CLUAP1: variants seen among roughly 807,000 people sequenced by gnomAD.
CLUAP1 encodes clusterin-associated protein 1.
CLUAP1 carries 50 observed loss-of-function variants against 55.0 expected under a neutral mutation model. That is an observed-to-expected ratio of 0.91 (90% CI 0.72 to 1.15). The LOEUF is 1.15. CLUAP1 is among the 50% of genes most tolerant of loss of function. The pLI is 0.00. For synonymous variants in CLUAP1, 195 were observed against 175.4 expected, an observed-to-expected ratio of 1.11 and a Z score of -0.88; for missense variants, 530 against 507.6, an observed-to-expected ratio of 1.04 and a Z score of -0.42.
chr16:3,500,800 C>T, upstream of CLUAP1: 1 of 546,142 alleles, frequency 1.8e-6, no homozygotes, highest in Non-Finnish European at 3.3e-6. Context: ...AGCGTGTAAA[C>T]AGACGCCCAG....
At chr16:3,509,668 G>T (rs548638100) in intron 4 of CLUAP1, among the ~76,000 whole-genome samples, 186 of 152,322 alleles carry the variant, frequency 1.2e-3, no homozygotes, top group Middle Eastern at 3.4e-3. Flanking sequence ...GGCTGGGAGT[G>T]CACCTAAGAG....
intron 1 of CLUAP1, among the ~76,000 whole-genome samples, chr16:3,502,561 A>C (rs527401804): frequency 2.8e-4 from 43 of 152,020 alleles, no homozygotes; most frequent in South Asian, 4.2e-4. Context: ...AGCATTAGAG[A>C]TTACTCCTTT....
chr16:3,506,972 G>A (rs1416354741), intron 3 of CLUAP1, among the ~76,000 whole-genome samples: 28 of 151,996 alleles, frequency 1.8e-4, no homozygotes, highest in Non-Finnish European at 2.1e-4. Flanking sequence ...CGAGGTGGGC[G>A]GATCACGAGG....
chr16:3,531,953 C>T (rs757324008), intron 10 of CLUAP1, among the ~76,000 whole-genome samples: 5 of 151,908 alleles, frequency 3.3e-5, no homozygotes, highest in East Asian at 1.9e-4. Context: ...GAGCAATTCT[C>T]CTGCAATCCC....
chr16:3,497,160 C>A (rs571339957), upstream of CLUAP1, among the ~76,000 whole-genome samples: 5 of 151,504 alleles, frequency 3.3e-5, no homozygotes, highest in Non-Finnish European at 7.4e-5. Context: ...CATGACCCAC[C>A]GCGCCCAGCA....
Position 3,519,889 on chromosome 16 carries a change from C to G in CLUAP1, c.580-14C>G, listed in dbSNP as rs745594421. ...TTATTGCCACCTTGTCTCATTATTT[C>G]CCATTAAATATAGACACAGGTTCAG... On this transcript the variant is annotated splice_polypyrimidine_tract_variant and intron_variant, in intron 6 of 11. Transcript: ENST00000576634. The G allele has an allele frequency of 8.3e-6, 13 of 1,574,390 alleles. No individual in the cohort carries two copies. The highest frequency in any genetic ancestry group is 1.7e-4 in the Middle Eastern group (1 of 5,878).
chr16:3,535,798 T>C (rs2038218162), intron 11 of CLUAP1: 1 of 263,962 alleles, frequency 3.8e-6, no homozygotes, highest in Non-Finnish European at 7.3e-6. Context: ...CTGTCCTTCT[T>C]GCCATCTGTA....
intron 9 of CLUAP1, among the ~76,000 whole-genome samples, chr16:3,529,947 A>T (rs2038082025): frequency 7.8e-6 from 1 of 127,874 alleles, no homozygotes; most frequent in Admixed American, 1.0e-4. Context: ...TATGACAATT[A>T]TATAACATAT....
chr16:3,495,785 A>T, the CLUAP1 span, among the ~76,000 whole-genome samples: 1 of 152,124 alleles, frequency 6.6e-6, no homozygotes, highest in Non-Finnish European at 1.5e-5. Context: ...GTACAGACCT[A>T]GGAAGACCTA....
rs558713699 is a variant in CLUAP1 at position 3,537,982 on chromosome 16, G to A, written c.*1711G>A. On this transcript the variant is annotated 3_prime_UTR_variant, in exon 12 of 12. Coordinates refer to ENST00000576634, the MANE Select transcript of CLUAP1 (RefSeq NM_015041.3). ...CCACTGCACTCCAGCCTGGGCAGCA[G>A]AGTGAGACTCCATCTCAAAAAAAAA... 3 of 119,368 alleles carry A rather than the reference G, an allele frequency of 2.5e-5. No individual in the cohort carries two copies. The South Asian group carries it at 8.9e-4, about 35-fold the overall frequency. 7.4% of individuals were successfully genotyped at this position (119,368 alleles called of 1,614,324 possible). A position where few individuals can be genotyped will look rare whatever the true frequency, so the allele number is the denominator to read the frequency against.
At chr16:3,500,365 CA>C (rs1438244480), upstream of CLUAP1, among the ~76,000 whole-genome samples, 247 of 140,260 alleles carry the variant, frequency 1.8e-3, 4 homozygotes, top group African/African-American at 6.2e-3. Flanking sequence ...GAGTATAGTG[CA>C]TTTTTTTTTT....
chr16:3,516,822 G>A (rs1360170254), intron 6 of CLUAP1, among the ~76,000 whole-genome samples: 11 of 152,088 alleles, frequency 7.2e-5, no homozygotes, highest in Non-Finnish European at 1.6e-4. Context: ...AGGACTCTTA[G>A]GGGAAAATGG....
In CLUAP1 at chr16:3,537,867, C is replaced by G. The variant is rs1235901285; in HGVS notation, c.*1596C>G. 6.7e-6 allele frequency: 1 copy of G among 150,318 alleles called. No individual in the cohort carries two copies. The allele number at this position is 150,318 out of a possible 1,614,324, so 9.3% of individuals were successfully genotyped here. A position where few individuals can be genotyped will look rare whatever the true frequency, so the allele number is the denominator to read the frequency against. On this transcript the variant is annotated 3_prime_UTR_variant, in exon 12 of 12. Transcript: ENST00000576634. The stretch of plus-strand genomic sequence containing the variant: ...TACAAAAATTAGCCGGGCGTGGTAG[C>G]GCATGCCTGTAACCCCAGCTACTGG...
intron 4 of CLUAP1, 37 bp from the exon 5 acceptor site, chr16:3,512,346 G>A (rs369467413): frequency 5.3e-6 from 8 of 1,506,648 alleles, no homozygotes; most frequent in Non-Finnish European, 7.4e-6. Flanking sequence ...AAAAACATCT[G>A]TTGCTGAGGT....
chr16:3,521,109 G>A (rs1397839831), intron 7 of CLUAP1, among the ~76,000 whole-genome samples: 1 of 151,526 alleles, frequency 6.6e-6, no homozygotes, highest in Non-Finnish European at 1.5e-5. Flanking sequence ...CCTGCCCAGC[G>A]CAAGGCCAAG....
chr16:3,536,580 A>C lies in CLUAP1; in HGVS notation c.*309A>C, dbSNP rs1479570748. 4.3e-6 allele frequency: 1 copy of C among 231,000 alleles called. No individual in the cohort carries two copies. The highest frequency in any genetic ancestry group is 2.3e-5 in the African/African-American group (1 of 44,426). 14.3% of individuals were successfully genotyped at this position (231,000 alleles called of 1,614,324 possible). A position where few individuals can be genotyped will look rare whatever the true frequency, so the allele number is the denominator to read the frequency against. On this transcript the variant is annotated 3_prime_UTR_variant, in exon 12 of 12. Coordinates refer to ENST00000576634, the MANE Select transcript of CLUAP1 (RefSeq NM_015041.3). Reference sequence around the variant, plus strand: ...TCAAGAAGAAATAAGAGCTGACGCCACACAAGTCTTGGCTGCTTTTGTTAC... The same window carrying C: ...TCAAGAAGAAATAAGAGCTGACGCCCCACAAGTCTTGGCTGCTTTTGTTAC...
Position 3,504,754 on chromosome 16 carries a change from T to G in CLUAP1, c.57T>G (p.Pro19=). Residue 19 remains proline, a synonymous_variant, in exon 2 of 12, where the codon CCT becomes CCG. Transcript: ENST00000576634. ...FTEMMRALGY[P]RHISMENFRT... The stretch of plus-strand genomic sequence containing the variant: ...AGATGATGAGAGCCCTGGGATACCC[T>G]CGACATATTTCTATGGAAAATTTCC... 1.9e-6 allele frequency: 3 copies of G among 1,612,490 alleles called. No homozygotes were observed. Among genetic ancestry groups the G allele is most frequent in the Non-Finnish European group, 2.5e-6 (3 of 1,178,444 alleles).
chr16:3,496,354 G>A, upstream of CLUAP1: 3 of 1,175,046 alleles, frequency 2.6e-6, no homozygotes, highest in South Asian at 3.6e-5. Flanking sequence ...TGCTGAAGAG[G>A]TTGTTTATGA....
intron 1 of CLUAP1, 131 bp from the exon 2 acceptor site, chr16:3,504,589 G>C: frequency 1.7e-6 from 1 of 604,270 alleles, no homozygotes; most frequent in South Asian, 2.2e-5. Flanking sequence ...TTCCCTTGTA[G>C]AAAGTTGACA....
Sources: gnomAD v4.1 joint callset for allele counts (sites outside exome capture counted in the v4.1 genomes callset) on GRCh38, gnomAD v4.1.1 for gene constraint, MANE v1.5 for transcripts, NCBI Gene and HGNC (gene_info 2026-07-23, HGNC 2026-07-21) for gene names.